POLR2F: variants seen among roughly 807,000 people sequenced by gnomAD.
The protein encoded by POLR2F is RNA polymerase II, I and III subunit F.
A neutral mutation model predicts 22.7 loss-of-function variants in POLR2F; 12 were observed. The observed-to-expected ratio is 0.53, with a 90% CI of 0.34 to 0.86. POLR2F has a LOEUF of 0.86. Ranked by LOEUF, POLR2F falls within the 40% of genes least tolerant of loss-of-function variation. The pLI is 0.02. For missense variants in POLR2F, 126 were observed against 171.5 expected (o/e 0.73, Z 1.48); for synonymous variants, 57 against 66.0 (o/e 0.86, Z 0.66).
At chr22:37,971,302 G>A (rs1192420573), downstream of POLR2F, 1 of 471,026 alleles carries the variant, frequency 2.1e-6, no homozygotes, top group Non-Finnish European at 4.4e-6. Context: ...TCCCCATCTG[G>A]AAAATTGAGA....
In POLR2F at chr22:37,974,923, C is replaced by T. The variant is rs1932178975; in HGVS notation, c.293+7753C>T. ...TGCTCTGTTTCACCTTTGCTGGTTG[C>T]CTGGGCCTGCTCCCTGTCCTGGCCT... On this transcript the variant is annotated intron_variant, in intron 4 of 4. Transcript: ENST00000405557. This position sits in a 1 kb window ranked among gnomAD's most constrained non-coding sequence, Gnocchi z 5.4. Among the ~76,000 whole-genome samples the T allele has an allele frequency of 6.6e-6, 1 of 152,174 alleles. No individual in the cohort carries two copies. The highest frequency in any genetic ancestry group is 1.9e-4 in the East Asian group (1 of 5,190).
At chr22:38,020,232 C>CACAT (rs901712689) in intron 1 of POLR2F, among the ~76,000 whole-genome samples, 73 of 148,320 alleles carry the variant, frequency 4.9e-4, no homozygotes, top group East Asian at 2.4e-3. Flanking sequence ...CACACACACA[C>CACAT]ACATACATAT....
chr22:38,033,471 G>T (rs1417035038), intron 5 of POLR2F, among the ~76,000 whole-genome samples: 1 of 152,198 alleles, frequency 6.6e-6, no homozygotes, highest in African/African-American at 2.4e-5. Flanking sequence ...GGTAGGGCTG[G>T]TTCTGTAGGA....
downstream of POLR2F, among the ~76,000 whole-genome samples, chr22:38,027,822 C>A (rs1470234371): frequency 6.6e-6 from 1 of 152,178 alleles, no homozygotes; most frequent in African/African-American, 2.4e-5. Flanking sequence ...ACACTGGACA[C>A]CCCCTCCACA....
chr22:37,954,064 C>T (rs1299053756), intron 1 of POLR2F, among the ~76,000 whole-genome samples: 1 of 152,184 alleles, frequency 6.6e-6, no homozygotes, highest in Non-Finnish European at 1.5e-5. Flanking sequence ...TTCCAGCGAG[C>T]CGGGCTCTGT....
intron 1 of POLR2F, among the ~76,000 whole-genome samples, chr22:38,022,728 G>A (rs912893010): frequency 4.6e-5 from 7 of 151,966 alleles, no homozygotes; most frequent in African/African-American, 1.7e-4. Context: ...AAAGAAATAA[G>A]TGGGCCAGAT....
At chr22:38,007,895 C>T (rs538105418) in intron 1 of POLR2F, among the ~76,000 whole-genome samples, 395 of 152,332 alleles carry the variant, frequency 2.6e-3, no homozygotes, top group African/African-American at 8.9e-3. Context: ...GTGCAGCCCA[C>T]TTGCCTTCAG....
chr22:38,023,194 TG>T (rs2084976243), intron 1 of POLR2F, among the ~76,000 whole-genome samples: 1 of 152,012 alleles, frequency 6.6e-6, no homozygotes, highest in South Asian at 2.1e-4. Context: ...CAGACAGCAG[TG>T]GGGTCTGGCA....
At chr22:37,961,557 C>T (rs945138761) in intron 3 of POLR2F, among the ~76,000 whole-genome samples, 15 of 152,102 alleles carry the variant, frequency 9.9e-5, no homozygotes, top group African/African-American at 3.1e-4. Context: ...GGTGGAGATG[C>T]GAGTGTCCAA....
downstream of POLR2F, among the ~76,000 whole-genome samples, chr22:38,027,969 G>A (rs1236250867): frequency 6.6e-6 from 1 of 152,180 alleles, no homozygotes; most frequent in Non-Finnish European, 1.5e-5. Context: ...GGAAAACTGA[G>A]CTATAGAGAG....
intron 1 of POLR2F, among the ~76,000 whole-genome samples, chr22:37,955,302 G>C (rs1218664036): frequency 6.6e-6 from 1 of 151,636 alleles, no homozygotes; most frequent in Non-Finnish European, 1.5e-5. Context: ...ACTTTGGGAG[G>C]CCGAGGAGGG....
chr22:37,975,586 G>C (rs1601880486), intron 4 of POLR2F, among the ~76,000 whole-genome samples: 1 of 152,182 alleles, frequency 6.6e-6, no homozygotes, highest in South Asian at 2.1e-4. Context: ...GGTCTTAAGA[G>C]ACTAGGAGCT....
At chr22:37,961,574 C>T (rs1931641601) in intron 3 of POLR2F, among the ~76,000 whole-genome samples, 1 of 152,118 alleles carries the variant, frequency 6.6e-6, no homozygotes, top group Admixed American at 6.6e-5. Context: ...CCAATGAGTG[C>T]AGATGTGTTA....
chr22:37,972,140 A>T, downstream of POLR2F: 1 of 262,322 alleles, frequency 3.8e-6, no homozygotes, highest in Non-Finnish European at 7.0e-6. Flanking sequence ...GGAGAGAGAG[A>T]GGAGGGGGGA....
At chr22:37,957,220 G>A (rs982188512) in intron 2 of POLR2F, among the ~76,000 whole-genome samples, 1 of 152,194 alleles carries the variant, frequency 6.6e-6, no homozygotes, top group Non-Finnish European at 1.5e-5. Context: ...GTATTTTGTA[G>A]CCTAAAGGCA....
At chr22:38,025,503 C>T (rs1200322772) in intron 1 of POLR2F, 2 of 1,424,632 alleles carry the variant, frequency 1.4e-6, no homozygotes, top group Admixed American at 3.1e-5. Flanking sequence ...CACTCACAGT[C>T]CCAACATTCA....
chr22:37,979,802 G>A (rs1932340139), intron 4 of POLR2F, among the ~76,000 whole-genome samples: 1 of 152,062 alleles, frequency 6.6e-6, no homozygotes, highest in Non-Finnish European at 1.5e-5. Flanking sequence ...CGAGGGGAAA[G>A]TCCAGATTCT....
intron 5 of POLR2F, chr22:38,040,929 A>T: frequency 1.4e-6 from 2 of 1,408,672 alleles, no homozygotes; most frequent in Non-Finnish European, 2.0e-6. Flanking sequence ...AGGAGTGGTC[A>T]AGTCAGCCAG....
At chr22:37,977,937 G>A (rs761481230) in intron 4 of POLR2F, 9 of 1,612,786 alleles carry the variant, frequency 5.6e-6, no homozygotes, top group East Asian at 4.5e-5. Context: ...CCAAGTGGGC[G>A]CTCTTGTAGT....
Sources: gnomAD v4.1 joint callset for allele counts (sites outside exome capture counted in the v4.1 genomes callset) on GRCh38, gnomAD v4.1.1 for gene constraint, Gnocchi (gnomAD v3.1) non-coding constraint, MANE v1.5 for transcripts, NCBI Gene and HGNC (gene_info 2026-07-23, HGNC 2026-07-21) for gene names.